CELF2: variants seen among roughly 807,000 people sequenced by gnomAD.
CELF2 encodes the protein CUG triplet repeat RNA-binding protein 2.
CELF2 carries 8 observed loss-of-function variants against 62.6 expected under a neutral mutation model. The observed-to-expected ratio is 0.13, with a 90% CI of 0.07 to 0.23. CELF2 has a LOEUF of 0.23. CELF2 is among the 10% of genes least tolerant of loss of function. The pLI is 1.00. For missense variants in CELF2, 333 were observed against 671.0 expected, an observed-to-expected ratio of 0.50 and a Z score of 5.56; for synonymous variants, 258 against 250.0, an observed-to-expected ratio of 1.03 and a Z score of -0.30.
At position 10,998,211 on chromosome 10, in the gene CELF2, C is replaced by T. The variant is rs139972050; in HGVS notation, c.89+78212C>T. 1.6e-4 allele frequency among the ~76,000 whole-genome samples: 25 copies of T among 152,294 alleles called. No homozygotes were observed. The East Asian group carries it at 4.3e-3, about 26-fold the overall frequency. ...TTAGCAGCGTGAGAACAGGCTAATA[C>T]AATGCTGAGTTATCTTTCTAGAGCC... On this transcript the variant is annotated intron_variant, in intron 2 of 13. Coordinates refer to the CELF2 transcript ENST00000636488.
chr10:11,297,253 A>C lies in CELF2; in HGVS notation c.976+8701A>C, dbSNP rs905345522. Among the ~76,000 whole-genome samples, 9 of 152,142 alleles carry C rather than the reference A, an allele frequency of 5.9e-5. No individual in the cohort carries two copies. Among genetic ancestry groups the C allele is most frequent in the Admixed American group, 6.5e-5 (1 of 15,276 alleles). On this transcript the variant is annotated intron_variant, in intron 9 of 12. Transcript: ENST00000633077. The surrounding 1 kb of genome is among the most constrained non-coding windows in gnomAD (Gnocchi z 4.4). ...GTGCACATGAACGGACATTCCGTGA[A>C]ATGTGTCCAGCAGCAGTTGGATGTG...
At chr10:10,810,638 T>C (rs1273640718) in intron 1 of CELF2, among the ~76,000 whole-genome samples, 2 of 149,724 alleles carry the variant, frequency 1.3e-5, no homozygotes, top group Non-Finnish European at 3.0e-5. Context: ...TGCAGGGGAG[T>C]GGAAGGGAAG....
chr10:11,301,042 GA>G (rs2093667079), intron 9 of CELF2, among the ~76,000 whole-genome samples: 1 of 152,268 alleles, frequency 6.6e-6, no homozygotes, highest in Non-Finnish European at 1.5e-5. Context: ...TTTGTTCCTA[GA>G]AAGCAAGCCA....
the CELF2 span, among the ~76,000 whole-genome samples, chr10:10,750,680 T>G: frequency 6.6e-6 from 1 of 152,254 alleles, no homozygotes; most frequent in South Asian, 2.1e-4. Context: ...GTGTTCCATC[T>G]TAAAGTTAAT....
chr10:10,671,612 T>C, the CELF2 span, among the ~76,000 whole-genome samples: 3 of 152,236 alleles, frequency 2.0e-5, no homozygotes, highest in East Asian at 5.8e-4. Flanking sequence ...GTCAATATTC[T>C]GGATTTTGGC....
In CELF2 at chr10:10,886,712, C is replaced by T. The variant is rs561338337; in HGVS notation, c.54-33252C>T. Among the ~76,000 whole-genome samples the T allele has an allele frequency of 5.9e-5, 9 of 152,188 alleles. No individual in the cohort carries two copies. The East Asian group carries it at 1.3e-3, about 23-fold the overall frequency. On this transcript the variant is annotated intron_variant, in intron 1 of 13. Transcript: ENST00000636488. ...TTAGCCCAGCATGTGGGTGCATGCC[C>T]GTGGTCCCAGCTACCTGGGAAGCTG...
intron 1 of CELF2, among the ~76,000 whole-genome samples, chr10:11,049,958 G>T (rs1015031986): frequency 8.5e-5 from 13 of 152,204 alleles, no homozygotes; most frequent in African/African-American, 3.1e-4. Flanking sequence ...ATAAACACTT[G>T]CTGCTGGTTC....
At chr10:10,906,001 G>T (rs2063313918) in intron 1 of CELF2, among the ~76,000 whole-genome samples, 1 of 152,184 alleles carries the variant, frequency 6.6e-6, no homozygotes. Flanking sequence ...AACCCAAGAG[G>T]CAAAAGTTGC....
chr10:10,629,401 C>G, the CELF2 span, among the ~76,000 whole-genome samples: 1 of 152,190 alleles, frequency 6.6e-6, no homozygotes. Flanking sequence ...CACCCCTATT[C>G]TTGAAGCCCA....
intron 1 of CELF2, among the ~76,000 whole-genome samples, chr10:11,055,501 A>G (rs2065031201): frequency 1.3e-5 from 2 of 152,222 alleles, no homozygotes; most frequent in South Asian, 4.1e-4. Flanking sequence ...TCTCAGGTGC[A>G]TTTCTCCTTT....
intron 1 of CELF2, among the ~76,000 whole-genome samples, chr10:11,050,625 G>A (rs1222336118): frequency 6.6e-6 from 1 of 152,136 alleles, no homozygotes; most frequent in Non-Finnish European, 1.5e-5. Context: ...GCTCTGTAGG[G>A]CCTGTTTCCG....
At chr10:10,805,361 T>C (rs573662490) in intron 1 of CELF2, among the ~76,000 whole-genome samples, 2 of 152,354 alleles carry the variant, frequency 1.3e-5, no homozygotes, top group East Asian at 3.9e-4. Flanking sequence ...GTGTTGTCTT[T>C]ACTACACCTC....
intron 2 of CELF2, among the ~76,000 whole-genome samples, chr10:11,190,814 T>C (rs909143626): frequency 7.9e-6 from 1 of 127,122 alleles, no homozygotes; most frequent in African/African-American, 3.0e-5. Flanking sequence ...GCCATTGAAA[T>C]GATTCCACTT....
At chr10:10,880,497 C>G (rs753039177) in intron 1 of CELF2, among the ~76,000 whole-genome samples, 1 of 152,086 alleles carries the variant, frequency 6.6e-6, no homozygotes, top group Non-Finnish European at 1.5e-5. Context: ...TCTCCTTAAC[C>G]GCATCTTTTT....
intron 1 of CELF2, among the ~76,000 whole-genome samples, chr10:11,067,765 C>G (rs149666151): frequency 6.6e-6 from 1 of 152,284 alleles, no homozygotes; most frequent in East Asian, 1.9e-4. Context: ...AGAGTCAGAT[C>G]AGGCATGAAT....
chr10:11,315,303 C>T lies in CELF2; in HGVS notation c.1096+1045C>T, dbSNP rs542455209. On this transcript the variant is annotated intron_variant, in intron 10 of 12. Coordinates refer to ENST00000633077, the MANE Select transcript of CELF2 (RefSeq NM_001326342.2). The surrounding 1 kb of genome is among the most constrained non-coding windows in gnomAD (Gnocchi z 5.8). ...TAGCTACCATGCAGCCCAGGCACCC[C>T]GGCACCTGCCCATTCTCATTTTTAA... 7.2e-5 allele frequency among the ~76,000 whole-genome samples: 11 copies of T among 152,256 alleles called. No homozygotes were observed. The East Asian group carries it at 7.7e-4, about 11-fold the overall frequency.
intron 2 of CELF2, among the ~76,000 whole-genome samples, chr10:11,179,638 C>T (rs1325359265): frequency 6.6e-6 from 1 of 152,138 alleles, no homozygotes; most frequent in Non-Finnish European, 1.5e-5. Flanking sequence ...TGCCGCATCC[C>T]AGGAATACAA....
At chr10:11,208,347 G>A (rs893029782) in intron 2 of CELF2, among the ~76,000 whole-genome samples, 8 of 152,168 alleles carry the variant, frequency 5.3e-5, no homozygotes, top group East Asian at 1.9e-4. Context: ...AGGCGCCTTC[G>A]GGATGCAGAC....
intron 2 of CELF2, chr10:10,952,274 A>G (rs1205631604): frequency 6.6e-6 from 1 of 152,262 alleles, no homozygotes; most frequent in African/African-American, 2.4e-5. Context: ...CGCACCCATG[A>G]TGCACTTTTC....
Sources: allele counts gnomAD v4.1 joint callset (sites outside exome capture counted in the v4.1 genomes callset), GRCh38; gene constraint gnomAD v4.1.1; non-coding constraint Gnocchi (gnomAD v3.1); transcripts MANE v1.5; gene names NCBI Gene and HGNC (gene_info 2026-07-23, HGNC 2026-07-21).